The following AXIN2 variants were observed in gnomAD, a reference collection of about 807,000 sequenced individuals.
AXIN2 encodes the protein axin 2.
AXIN2 carries 21 observed loss-of-function variants against 74.7 expected under a neutral mutation model. The observed-to-expected ratio is 0.28, with a 90% CI of 0.20 to 0.40. The LOEUF is 0.40. Among genes scored for constraint, AXIN2 ranks in the 10% least tolerant of loss-of-function variants. The pLI, the probability that AXIN2 is intolerant of heterozygous loss-of-function variation, is 1.00. For synonymous variants in AXIN2, 532 were observed against 454.9 expected (o/e 1.17, Z -2.16); for missense variants, 1,144 against 1,111.1 (o/e 1.03, Z -0.42).
intron 2 of AXIN2, among the ~76,000 whole-genome samples, chr17:65,553,180 A>G (rs1300084301): frequency 6.6e-6 from 1 of 152,244 alleles, no homozygotes; most frequent in Non-Finnish European, 1.5e-5. Flanking sequence ...TGTAAGCTCC[A>G]TGAGGGACAG....
intron 10 of AXIN2, 67 bp from the exon 11 acceptor site, chr17:65,530,169 TACCA>T (rs2144392818): frequency 1.9e-6 from 3 of 1,601,058 alleles, no homozygotes; most frequent in Non-Finnish European, 2.6e-6. Context: ...AAGAAAAGCA[TACCA>T]ACATGGAGGA....
At chr17:65,530,332 G>A (rs2144393868) in intron 10 of AXIN2, among the ~76,000 whole-genome samples, 1 of 152,326 alleles carries the variant, frequency 6.6e-6, no homozygotes, top group African/African-American at 2.4e-5. Flanking sequence ...AGCAGCCTGG[G>A]CTGGGCCTGC....
At position 65,528,652 on chromosome 17, in the gene AXIN2, T is replaced by C; in HGVS notation, c.*1324A>G. 1 of 517,512 alleles carries C rather than the reference T, an allele frequency of 1.9e-6. No homozygotes were observed. The highest frequency in any genetic ancestry group is 3.7e-6 in the Non-Finnish European group (1 of 269,914). The allele number at this position is 517,512 out of a possible 1,614,324, so 32.1% of individuals were successfully genotyped here. ...TAATTTTCCTTAAATGAACTCTTTA[T>C]AATGCATAATTTACAGTATAAGTAG... is the stretch of plus-strand genomic sequence containing the variant. On this transcript the variant is annotated 3_prime_UTR_variant, in exon 11 of 11. Coordinates refer to ENST00000307078, the MANE Select transcript of AXIN2 (RefSeq NM_004655.4).
At position 65,529,944 on chromosome 17, in the gene AXIN2, T is replaced by C; in HGVS notation, c.*32A>G. 1 of 1,613,972 alleles carries C rather than the reference T, an allele frequency of 6.2e-7. No individual in the cohort carries two copies. ...AAGACAGTTCACAAGAGCTTCGGGCTCCAACAGTTCACCAAAGCCAGACCC... is the reference window on the plus strand; with the variant it reads ...AAGACAGTTCACAAGAGCTTCGGGCCCCAACAGTTCACCAAAGCCAGACCC... On this transcript the variant is annotated 3_prime_UTR_variant, in exon 11 of 11. Coordinates refer to ENST00000307078, the MANE Select transcript of AXIN2 (RefSeq NM_004655.4).
chr17:65,557,530 C>A (rs2044284752), intron 2 of AXIN2, among the ~76,000 whole-genome samples: 1 of 152,196 alleles, frequency 6.6e-6, no homozygotes, highest in African/African-American at 2.4e-5. Flanking sequence ...TCAACCTCTT[C>A]TGAGACACTA....
intron 5 of AXIN2, 97 bp downstream of exon 5, chr17:65,538,106 A>G (rs540288778): frequency 3.1e-5 from 49 of 1,580,316 alleles, no homozygotes; most frequent in East Asian, 1.6e-4. Flanking sequence ...CAACCCACGC[A>G]CATGCGCACA....
intron 10 of AXIN2, among the ~76,000 whole-genome samples, chr17:65,533,633 C>T (rs1399779671): frequency 6.6e-6 from 1 of 152,232 alleles, no homozygotes; most frequent in Non-Finnish European, 1.5e-5. Context: ...CAAGCAGCTG[C>T]TCCTTTTCTC....
intron 8 of AXIN2, 45 bp from the exon 9 acceptor site, chr17:65,535,766 C>A: frequency 6.5e-7 from 1 of 1,543,618 alleles, no homozygotes; most frequent in Non-Finnish European, 9.0e-7. Flanking sequence ...ACACTGTTGT[C>A]CCCAGAGCAA....
intron 6 of AXIN2, 117 bp from the exon 7 acceptor site, chr17:65,537,180 C>T: frequency 6.5e-7 from 1 of 1,534,144 alleles, no homozygotes; most frequent in Non-Finnish European, 8.9e-7. Flanking sequence ...CATGCACCTG[C>T]TCCCCGCACC....
intron 2 of AXIN2, among the ~76,000 whole-genome samples, chr17:65,555,895 A>G (rs2044260498): frequency 6.6e-6 from 1 of 151,914 alleles, no homozygotes; most frequent in African/African-American, 2.4e-5. Context: ...GAGTCCTTTA[A>G]GATGCTTCAT....
chr17:65,536,781 G>A (rs939371028), intron 7 of AXIN2, 88 bp downstream of exon 7: 34 of 1,559,664 alleles, frequency 2.2e-5, no homozygotes, highest in Admixed American at 5.0e-5. Flanking sequence ...TTTGTATTCC[G>A]CGGACTGCAA....
At chr17:65,546,028 C>CTG (rs959488915) in intron 3 of AXIN2, among the ~76,000 whole-genome samples, 4 of 151,804 alleles carry the variant, frequency 2.6e-5, no homozygotes, top group African/African-American at 9.7e-5. Context: ...TGAAGGCTGC[C>CTG]TGTGACCCCC....
rs2043784402 is a variant in AXIN2 at position 65,529,696 on chromosome 17, G to A, written c.*280C>T. 1 of 488,310 alleles carries A rather than the reference G, an allele frequency of 2.0e-6. No individual in the cohort carries two copies. The highest frequency in any genetic ancestry group is 3.3e-5 in the Admixed American group (1 of 30,324). The allele number at this position is 488,310 out of a possible 1,614,324, so 30.2% of individuals were successfully genotyped here. On this transcript the variant is annotated 3_prime_UTR_variant, in exon 11 of 11. Transcript: ENST00000307078. ...CCTAGGAAGTCATATATTATGTATGGCAGTCTCTCAAATACAGGCAGCATC... is the reference window on the plus strand; with the variant it reads ...CCTAGGAAGTCATATATTATGTATGACAGTCTCTCAAATACAGGCAGCATC...
At chr17:65,532,461 T>C (rs1342485460) in intron 10 of AXIN2, among the ~76,000 whole-genome samples, 3 of 152,170 alleles carry the variant, frequency 2.0e-5, no homozygotes, top group Admixed American at 6.5e-5. Context: ...CCCCACCCCT[T>C]TGATACCTTT....
At chr17:65,538,031 AT>A in intron 5 of AXIN2, 171 bp downstream of exon 5, 1 of 1,364,358 alleles carries the variant, frequency 7.3e-7, no homozygotes, top group African/African-American at 1.4e-5. Flanking sequence ...CACGCAACCC[AT>A]GCACATGCGC....
rs2044377890 is a variant in AXIN2, at chr17:65,561,601, G to A, written c.-268C>T. Reference sequence around the variant, plus strand: ...GCAGCCGGCTCCAGCCGACTCCCCCGGGCCAGGCTCGCGGAGCCAGTGATC... The same window carrying A: ...GCAGCCGGCTCCAGCCGACTCCCCCAGGCCAGGCTCGCGGAGCCAGTGATC... On this transcript the variant is annotated 5_prime_UTR_variant, in exon 1 of 11. Coordinates refer to ENST00000307078, the MANE Select transcript of AXIN2 (RefSeq NM_004655.4). 1 of 151,010 alleles carries A rather than the reference G, an allele frequency of 6.6e-6. No individual in the cohort carries two copies. The highest frequency in any genetic ancestry group is 1.5e-5 in the Non-Finnish European group (1 of 67,562). 9.4% of individuals were successfully genotyped at this position (151,010 alleles called of 1,614,324 possible).
At chr17:65,531,127 G>T (rs922967789) in intron 10 of AXIN2, among the ~76,000 whole-genome samples, 1 of 152,114 alleles carries the variant, frequency 6.6e-6, no homozygotes, top group Admixed American at 6.5e-5. Context: ...TCCCCTGGGG[G>T]GATGGGAGAA....
chr17:65,561,315 T>G (rs1423606846), intron 1 of AXIN2, 135 bp downstream of exon 1: 1 of 4,252 alleles, frequency 2.4e-4, no homozygotes, highest in Admixed American at 2.1e-3. Flanking sequence ...CGCGCCCCCC[T>G]CCAGGCCCGG....
chr17:65,550,340 A>C lies in AXIN2; in HGVS notation c.816-680T>G, dbSNP rs28582184. Among the ~76,000 whole-genome samples, 234 of 152,328 alleles carry C rather than the reference A, an allele frequency of 1.5e-3. 2 individuals carry two copies. The highest frequency in any genetic ancestry group is 5.5e-3 in the African/African-American group (228 of 41,578). ...TCTCCCCAGGACTGGCTAGTGCAGCAGGATTGAAATGAGCAACACAGCTGT... is the reference window on the plus strand; with the variant it reads ...TCTCCCCAGGACTGGCTAGTGCAGCCGGATTGAAATGAGCAACACAGCTGT... On this transcript the variant is annotated intron_variant, in intron 2 of 10. Coordinates refer to ENST00000307078, the MANE Select transcript of AXIN2 (RefSeq NM_004655.4).
Sources: gnomAD v4.1 joint callset for allele counts (sites outside exome capture counted in the v4.1 genomes callset) on GRCh38, gnomAD v4.1.1 for gene constraint, MANE v1.5 for transcripts, NCBI Gene and HGNC (gene_info 2026-07-23, HGNC 2026-07-21) for gene names.